Variants in GATA6 observed in about 807,000 individuals in gnomAD.
GATA6 encodes GATA binding protein 6.
In GATA6, 11 loss-of-function variants were observed where a neutral mutation model predicts 48.1. That is an observed-to-expected ratio of 0.23 (90% CI 0.14 to 0.38). The LOEUF (loss-of-function observed/expected upper bound fraction) is 0.38, where lower values mean the gene tolerates loss of function less well. GATA6 is among the 10% of genes least tolerant of loss of function. GATA6 has a pLI of 1.00. For missense variants in GATA6, 795 were observed against 850.3 expected, an observed-to-expected ratio of 0.93 and a Z score of 0.81; for synonymous variants, 419 against 396.1, an observed-to-expected ratio of 1.06 and a Z score of -0.69.
At chr18:22,175,877 ACTAGGACATTT>A (rs1217472467) in intron 2 of GATA6, among the ~76,000 whole-genome samples, 9 of 152,196 alleles carry the variant, frequency 5.9e-5, no homozygotes, top group African/African-American at 2.2e-4. Context: ...ATAATGCAGA[ACTAGGACATTT>A]AAACCTTCTA....
rs1427703725 is a variant in GATA6 at position 22,201,898 on chromosome 18, A to C, written c.*1075A>C. On this transcript the variant is annotated 3_prime_UTR_variant, in exon 7 of 7. Transcript: ENST00000269216. Reference sequence around the variant, plus strand: ...CCCACAGGCAGGTTGGTTTACATTAATTTTTTTTTTTGAATGGGATGTCCT... The same window carrying C: ...CCCACAGGCAGGTTGGTTTACATTACTTTTTTTTTTTGAATGGGATGTCCT... 1 of 149,362 alleles carries C rather than the reference A, an allele frequency of 6.7e-6. No homozygotes were observed. The highest frequency in any genetic ancestry group is 2.5e-5 in the African/African-American group (1 of 40,734). The allele number at this position is 149,362 out of a possible 1,614,324, so 9.3% of individuals were successfully genotyped here.
At chr18:22,190,149 G>A (rs1234620160) in intron 6 of GATA6, among the ~76,000 whole-genome samples, 1 of 152,202 alleles carries the variant, frequency 6.6e-6, no homozygotes, top group African/African-American at 2.4e-5. Flanking sequence ...TGGGAAAACT[G>A]TGAGAAGTTA....
intron 2 of GATA6, among the ~76,000 whole-genome samples, chr18:22,173,794 G>A (rs1325167399): frequency 6.6e-6 from 1 of 152,010 alleles, no homozygotes; most frequent in Non-Finnish European, 1.5e-5. Flanking sequence ...GGCGCGCGCC[G>A]CCACACCTAG....
In GATA6 at chr18:22,172,532, T is replaced by C. The variant is rs1260686435; in HGVS notation, c.1135+253T>C. ...TTCCACGGATGAGACTAAATGCACA[T>C]CTGTACCTTCGTGCCTTGGGGAAGC... On this transcript the variant is annotated intron_variant, in intron 2 of 6. Coordinates refer to ENST00000269216, the MANE Select transcript of GATA6 (RefSeq NM_005257.6). The surrounding 1 kb of genome is among the most constrained non-coding windows in gnomAD (Gnocchi z 5.2). Among the ~76,000 whole-genome samples the C allele has an allele frequency of 6.6e-6, 1 of 152,202 alleles. No individual in the cohort carries two copies. Among genetic ancestry groups the C allele is most frequent in the Admixed American group, 6.5e-5 (1 of 15,288 alleles).
chr18:22,200,173 T>TA (rs2033439657), intron 6 of GATA6, among the ~76,000 whole-genome samples: 2 of 126,550 alleles, frequency 1.6e-5, no homozygotes, highest in Non-Finnish European at 3.3e-5. Flanking sequence ...TAAGCCTTGT[T>TA]AGAGTGTGTG....
chr18:22,177,990 TC>T (rs1373445028), intron 3 of GATA6, among the ~76,000 whole-genome samples: 1 of 144,086 alleles, frequency 6.9e-6, no homozygotes, highest in Non-Finnish European at 1.5e-5. Context: ...AGACGGAGTT[TC>T]ACTCTTGTTG....
At chr18:22,191,367 C>T (rs1388508863) in intron 6 of GATA6, among the ~76,000 whole-genome samples, 2 of 147,078 alleles carry the variant, frequency 1.4e-5, no homozygotes, top group Non-Finnish European at 3.0e-5. Flanking sequence ...TCCCACCCGC[C>T]CCCCCAACGC....
In GATA6 at chr18:22,171,101, A is replaced by C; in HGVS notation, c.-37-7A>C. On this transcript the variant is annotated splice_region_variant and splice_polypyrimidine_tract_variant and intron_variant, in intron 1 of 6. Coordinates refer to ENST00000269216, the MANE Select transcript of GATA6 (RefSeq NM_005257.6). This position sits in a 1 kb window ranked among gnomAD's most constrained non-coding sequence, Gnocchi z 7.1. ...CTACCATACCCGTCTCCCCCACCCC[A>C]CCTCAGGAGCTAGACGTCAGCTTGG... 1 of 1,564,158 alleles carries C rather than the reference A, an allele frequency of 6.4e-7. No individual in the cohort carries two copies. Among genetic ancestry groups the C allele is most frequent in the Non-Finnish European group, 8.7e-7 (1 of 1,149,976 alleles).
At chr18:22,178,208 G>A (rs897782834) in intron 3 of GATA6, among the ~76,000 whole-genome samples, 1 of 151,770 alleles carries the variant, frequency 6.6e-6, no homozygotes, top group Admixed American at 6.6e-5. Flanking sequence ...ATGTGATCCC[G>A]CCCGCCTCGG....
At chr18:22,175,587 A>G (rs2033111350) in intron 2 of GATA6, 2 of 152,242 alleles carry the variant, frequency 1.3e-5, no homozygotes, top group African/African-American at 4.8e-5. Flanking sequence ...CAGTATCCCC[A>G]TGACAACTTT....
chr18:22,197,331 C>T (rs187025513), intron 6 of GATA6, among the ~76,000 whole-genome samples: 188 of 152,258 alleles, frequency 1.2e-3, no homozygotes, highest in Non-Finnish European at 2.2e-3. Context: ...GGATTGCAGG[C>T]GTGGGCCACC....
intron 4 of GATA6, 99 bp from the exon 5 acceptor site, chr18:22,182,658 G>C: frequency 1.1e-6 from 1 of 890,692 alleles, no homozygotes; most frequent in South Asian, 1.5e-5. Context: ...GCACTCGGCC[G>C]CCAAATTCTT....
Position 22,171,031 on chromosome 18 carries a change from G to A in GATA6, c.-37-77G>A. 1 of 848,048 alleles carries A rather than the reference G, an allele frequency of 1.2e-6. No homozygotes were observed. The highest frequency in any genetic ancestry group is 1.9e-6 in the Non-Finnish European group (1 of 519,036). 52.5% of individuals were successfully genotyped at this position (848,048 alleles called of 1,614,324 possible). A position where few individuals can be genotyped will look rare whatever the true frequency, so the allele number is the denominator to read the frequency against. Reference sequence around the variant, plus strand: ...CATTTGAACTAGAAAAAGGAGTGGAGGCGAGGTAGCGTGCAGCCTACGCTC... The same window carrying A: ...CATTTGAACTAGAAAAAGGAGTGGAAGCGAGGTAGCGTGCAGCCTACGCTC... On this transcript the variant is annotated intron_variant, in intron 1 of 6. Transcript: ENST00000269216. This position sits in a 1 kb window ranked among gnomAD's most constrained non-coding sequence, Gnocchi z 7.1.
intron 6 of GATA6, among the ~76,000 whole-genome samples, chr18:22,189,082 G>T (rs2033297402): frequency 6.6e-6 from 1 of 152,172 alleles, no homozygotes; most frequent in African/African-American, 2.4e-5. Context: ...CTTTTGGTCT[G>T]TTTCTTGCTA....
rs572182614 is a variant in GATA6, at chr18:22,196,179, G to C, written c.1621-4477G>C. Among the ~76,000 whole-genome samples, 59 of 152,210 alleles carry C rather than the reference G, an allele frequency of 3.9e-4. 1 individual carries two copies. In the South Asian group the frequency reaches 0.012, roughly 31 times the overall value. ...CATAAAATAAGGCTACCAAGCATTG[G>C]GCACAAATACTTGCCCCATTTTTTT... On this transcript the variant is annotated intron_variant, in intron 6 of 6. Transcript: ENST00000269216.
In GATA6 at chr18:22,171,295, G is replaced by A. The variant is rs770662152; in HGVS notation, c.151G>A (p.Glu51Lys). 115 of 1,593,216 alleles carry A rather than the reference G, an allele frequency of 7.2e-5. No homozygotes were observed. The East Asian group carries it at 2.3e-3, about 32-fold the overall frequency. ...GTCCTCCTCCTGCTCCCGGGGCGGA[G>A]AGCGGGGCCCCGGCGGCGCCAGCAA... ...SSSSSCSRGG[E>K]RGPGGASNCG... Residue 51 changes from glutamate (E) to lysine (K), a missense_variant, in exon 2 of 7, where the codon GAG becomes AAG. Transcript: ENST00000269216. This position sits in a 1 kb window ranked among gnomAD's most constrained non-coding sequence, Gnocchi z 7.1.
At chr18:22,190,285 A>G (rs922432492) in intron 6 of GATA6, among the ~76,000 whole-genome samples, 17 of 152,198 alleles carry the variant, frequency 1.1e-4, no homozygotes, top group Non-Finnish European at 2.2e-4. Flanking sequence ...GTTAAAAAAA[A>G]AGTAGTAAAA....
At position 22,172,410 on chromosome 18, in the gene GATA6, C is replaced by G; in HGVS notation, c.1135+131C>G. 7.0e-7 allele frequency: 1 copy of G among 1,426,112 alleles called. No homozygotes were observed. The highest frequency in any genetic ancestry group is 9.2e-7 in the Non-Finnish European group (1 of 1,084,128). The allele number at this position is 1,426,112 out of a possible 1,614,324, so 88.3% of individuals were successfully genotyped here. A position where few individuals can be genotyped will look rare whatever the true frequency, so the allele number is the denominator to read the frequency against. ...CCGGGTGCGCGGAGGTCGGCCTGGT[C>G]CCAGGAAGGATTTGCAGGCCTGTGG... On this transcript the variant is annotated intron_variant, in intron 2 of 6. Transcript: ENST00000269216. This position sits in a 1 kb window ranked among gnomAD's most constrained non-coding sequence, Gnocchi z 5.2.
chr18:22,179,257 A>C (rs2033165314), intron 3 of GATA6, among the ~76,000 whole-genome samples: 1 of 152,352 alleles, frequency 6.6e-6, no homozygotes, highest in East Asian at 1.9e-4. Flanking sequence ...GATCTGGCTT[A>C]GTTCTCAGAA....
Sources: allele counts gnomAD v4.1 joint callset (sites outside exome capture counted in the v4.1 genomes callset), GRCh38; gene constraint gnomAD v4.1.1; non-coding constraint Gnocchi (gnomAD v3.1); transcripts MANE v1.5; gene names NCBI Gene and HGNC (gene_info 2026-07-23, HGNC 2026-07-21).